The following FRMD4A variants were observed in gnomAD, a reference collection of about 807,000 sequenced individuals.
FRMD4A encodes FERM domain containing 4A.
Under a neutral mutation model 129.1 loss-of-function variants are expected in FRMD4A, and 29 were observed. That is an observed-to-expected ratio of 0.22 (90% CI 0.17 to 0.31). FRMD4A has a LOEUF of 0.31. FRMD4A is among the 10% of genes least tolerant of loss of function. The probability of loss-of-function intolerance (pLI) is 1.00; values close to 1 mark genes in which losing one functional copy is unlikely to be tolerated. For synonymous variants in FRMD4A, 634 were observed against 571.6 expected, an observed-to-expected ratio of 1.11 and a Z score of -1.56; for missense variants, 1,272 against 1,375.8, an observed-to-expected ratio of 0.92 and a Z score of 1.19.
chr10:14,015,934 G>A (rs1038294727), intron 2 of FRMD4A, among the ~76,000 whole-genome samples: 2 of 152,204 alleles, frequency 1.3e-5, no homozygotes, highest in African/African-American at 4.8e-5. Flanking sequence ...GGGTCACAAT[G>A]AGAGGCTCCA....
chr10:14,240,511 T>C (rs937035672), intron 2 of FRMD4A, among the ~76,000 whole-genome samples: 1 of 152,178 alleles, frequency 6.6e-6, no homozygotes, highest in African/African-American at 2.4e-5. Context: ...CTAGCATGTT[T>C]AGTTCAATTC....
intron 4 of FRMD4A, among the ~76,000 whole-genome samples, chr10:13,806,839 G>A (rs559887392): frequency 1.8e-4 from 28 of 152,140 alleles, no homozygotes; most frequent in African/African-American, 6.0e-4. Flanking sequence ...ATGGAGTCTC[G>A]CTCTGTTGCC....
intron 2 of FRMD4A, among the ~76,000 whole-genome samples, chr10:13,949,096 A>G (rs1302024246): frequency 6.6e-6 from 1 of 152,162 alleles, no homozygotes; most frequent in African/African-American, 2.4e-5. Flanking sequence ...TGTTGATTAA[A>G]TCTTTTATGG....
chr10:13,694,698 C>T (rs2086048757), intron 14 of FRMD4A, among the ~76,000 whole-genome samples: 1 of 152,054 alleles, frequency 6.6e-6, no homozygotes, highest in Non-Finnish European at 1.5e-5. Flanking sequence ...AAAAATTAGC[C>T]AGGTGTGGTA....
chr10:14,039,463 T>A (rs201149916), intron 2 of FRMD4A, among the ~76,000 whole-genome samples: 164 of 36,626 alleles, frequency 4.5e-3, no homozygotes, highest in South Asian at 0.04. Context: ...TCAATCTATC[T>A]ATCTATCTAT....
intron 2 of FRMD4A, among the ~76,000 whole-genome samples, chr10:14,030,310 G>A (rs933800982): frequency 4.6e-5 from 7 of 152,194 alleles, no homozygotes; most frequent in African/African-American, 1.7e-4. Context: ...GCAACTATAT[G>A]AGGTGATAGA....
chr10:13,823,690 C>T (rs572293552), intron 3 of FRMD4A, among the ~76,000 whole-genome samples: 3 of 152,250 alleles, frequency 2.0e-5, no homozygotes, highest in African/African-American at 4.8e-5. Flanking sequence ...AAAAGCTGCC[C>T]GTGCACTCAC....
At chr10:14,292,959 G>C (rs934363873) in intron 2 of FRMD4A, among the ~76,000 whole-genome samples, 2 of 152,282 alleles carry the variant, frequency 1.3e-5, no homozygotes, top group Admixed American at 6.5e-5. Context: ...ATTAAGAAGA[G>C]TGAATACATA....
intron 3 of FRMD4A, among the ~76,000 whole-genome samples, chr10:13,835,299 T>A (rs906496361): frequency 1.3e-5 from 2 of 152,186 alleles, no homozygotes; most frequent in Non-Finnish European, 2.9e-5. Flanking sequence ...CAAGAATTAG[T>A]GAAAACTTAC....
At chr10:14,091,002 T>G (rs1349843708) in intron 2 of FRMD4A, among the ~76,000 whole-genome samples, 1 of 151,984 alleles carries the variant, frequency 6.6e-6, no homozygotes, top group Non-Finnish European at 1.5e-5. Flanking sequence ...CCTTGTGAAA[T>G]ATTACCTAGT....
At chr10:13,966,001 T>A (rs2095483071) in intron 2 of FRMD4A, among the ~76,000 whole-genome samples, 1 of 152,218 alleles carries the variant, frequency 6.6e-6, no homozygotes. Flanking sequence ...TCCTTTCACA[T>A]GTAAGTTTGT....
intron 2 of FRMD4A, among the ~76,000 whole-genome samples, chr10:14,131,312 G>A (rs1839237086): frequency 6.6e-6 from 1 of 152,162 alleles, no homozygotes; most frequent in Non-Finnish European, 1.5e-5. Context: ...TGTTGAGGGA[G>A]GAACTCTAGA....
chr10:13,679,492 C>T (rs1264737641), intron 15 of FRMD4A, among the ~76,000 whole-genome samples: 19 of 122,190 alleles, frequency 1.6e-4, no homozygotes, highest in African/African-American at 2.8e-4. Context: ...CACACACACA[C>T]ACACACACAC....
chr10:14,265,981 T>C (rs1844964165), intron 2 of FRMD4A, among the ~76,000 whole-genome samples: 1 of 152,140 alleles, frequency 6.6e-6, no homozygotes, highest in African/African-American at 2.4e-5. Context: ...GAATGAATGA[T>C]CAAGGTGTCA....
intron 2 of FRMD4A, among the ~76,000 whole-genome samples, chr10:13,982,733 C>G (rs1377530166): frequency 6.6e-6 from 1 of 152,090 alleles, no homozygotes; most frequent in African/African-American, 2.4e-5. Flanking sequence ...TAAAAATAGA[C>G]AGTTTGCCTG....
intron 6 of FRMD4A, among the ~76,000 whole-genome samples, chr10:13,775,637 C>T (rs1395127230): frequency 4.6e-5 from 7 of 152,108 alleles, no homozygotes; most frequent in East Asian, 1.9e-4. Context: ...CAATACAGAA[C>T]GAGGGAGAAG....
chr10:13,925,393 T>C (rs1228941947), intron 2 of FRMD4A, among the ~76,000 whole-genome samples: 1 of 152,104 alleles, frequency 6.6e-6, no homozygotes, highest in African/African-American at 2.4e-5. Context: ...ACCTCCTGAA[T>C]GTGATCGCTT....
rs1242763958 is a variant in FRMD4A at position 13,964,670 on chromosome 10, TTTTG to T, written c.46-105762_46-105759del. On this transcript the variant is annotated intron_variant, in intron 2 of 24. Coordinates refer to ENST00000357447, the MANE Select transcript of FRMD4A (RefSeq NM_018027.5). The stretch of plus-strand genomic sequence containing the variant: ...CATCAGTTACAACTAATGCCTCTTC[TTTTG>T]TTTTTTTTTTTTTTTTGAGACAGAG... Among the ~76,000 whole-genome samples the T allele has an allele frequency of 3.9e-3, 384 of 97,558 alleles. 2 individuals are homozygous for T. Among genetic ancestry groups the T allele is most frequent in the Non-Finnish European group, 6.3e-3 (301 of 47,528 alleles). The allele number at this position is 97,558 out of a possible 152,430, so 64.0% of individuals were successfully genotyped here.
intron 2 of FRMD4A, among the ~76,000 whole-genome samples, chr10:13,869,211 A>G (rs1179050448): frequency 6.6e-6 from 1 of 152,220 alleles, no homozygotes; most frequent in Non-Finnish European, 1.5e-5. Flanking sequence ...GCTACAGGGC[A>G]GCGTGTCAGA....
Sources: allele counts gnomAD v4.1 joint callset (sites outside exome capture counted in the v4.1 genomes callset), GRCh38; gene constraint gnomAD v4.1.1; transcripts MANE v1.5; gene names NCBI Gene and HGNC (gene_info 2026-07-23, HGNC 2026-07-21).